HSDL2: variants seen among roughly 807,000 people sequenced by gnomAD.
HSDL2 encodes hydroxysteroid dehydrogenase-like protein 2.
A neutral mutation model predicts 46.3 loss-of-function variants in HSDL2; 27 were observed. That is an observed-to-expected ratio of 0.58 (90% confidence interval 0.43 to 0.80). The LOEUF is 0.80. Ranked by LOEUF, HSDL2 falls within the 30% of genes least tolerant of loss-of-function variation. The pLI, the probability that HSDL2 is intolerant of heterozygous loss-of-function variation, is 0.00. For synonymous variants in HSDL2, 153 were observed against 163.6 expected, an observed-to-expected ratio of 0.94 and a Z score of 0.50; for missense variants, 451 against 502.7, an observed-to-expected ratio of 0.90 and a Z score of 0.98.
At chr9:112,392,834 A>G (rs953514395) in intron 1 of HSDL2, among the ~76,000 whole-genome samples, 1 of 152,240 alleles carries the variant, frequency 6.6e-6, no homozygotes, top group African/African-American at 2.4e-5. Flanking sequence ...GCTTACAAAG[A>G]TAACAGGGTT....
intron 4 of HSDL2, among the ~76,000 whole-genome samples, chr9:112,414,864 G>A (rs1587941333): frequency 6.6e-6 from 1 of 151,760 alleles, no homozygotes; most frequent in Non-Finnish European, 1.5e-5. Context: ...AGATGTTGCT[G>A]TTTTTAACAC....
intron 1 of HSDL2, among the ~76,000 whole-genome samples, chr9:112,398,944 C>T (rs557502596): frequency 1.3e-5 from 2 of 152,162 alleles, no homozygotes; most frequent in South Asian, 4.2e-4. Context: ...CCCATAGTTA[C>T]CCCGGACAAT....
intron 7 of HSDL2, 122 bp downstream of exon 7, chr9:112,438,747 C>G: frequency 1.6e-6 from 1 of 610,210 alleles, no homozygotes; most frequent in South Asian, 2.7e-5. Context: ...TAAAAGCTGT[C>G]TTCCCAATGA....
chr9:112,394,570 C>T (rs1393117564), intron 1 of HSDL2, among the ~76,000 whole-genome samples: 1 of 152,050 alleles, frequency 6.6e-6, no homozygotes, highest in Non-Finnish European at 1.5e-5. Context: ...GATGGGCCCT[C>T]AAAATTTTTA....
intron 8 of HSDL2, among the ~76,000 whole-genome samples, chr9:112,453,674 T>C (rs7875256): frequency 0.96 from 145,558 of 152,304 alleles, 69,620 homozygotes; most frequent in African/African-American, 0.98. Context: ...ATTACATGCA[T>C]GAGCCGCCAC....
At chr9:112,455,235 C>T (rs1832988810) in intron 9 of HSDL2, among the ~76,000 whole-genome samples, 1 of 151,712 alleles carries the variant, frequency 6.6e-6, no homozygotes, top group South Asian at 2.1e-4. Flanking sequence ...CATAGTGAGA[C>T]CCATCTCAAA....
chr9:112,396,676 C>T (rs945724919), intron 1 of HSDL2, among the ~76,000 whole-genome samples: 3 of 152,076 alleles, frequency 2.0e-5, no homozygotes, highest in Non-Finnish European at 2.9e-5. Flanking sequence ...CCAGGCCCAC[C>T]GAACCTTGAG....
intron 6 of HSDL2, among the ~76,000 whole-genome samples, chr9:112,431,417 A>C (rs1437208255): frequency 6.6e-6 from 1 of 152,224 alleles, no homozygotes; most frequent in Admixed American, 6.5e-5. Context: ...AGACCCACAT[A>C]GGAGAGTAAG....
At chr9:112,398,471 A>G (rs2132612097) in intron 1 of HSDL2, among the ~76,000 whole-genome samples, 1 of 152,088 alleles carries the variant, frequency 6.6e-6, no homozygotes, top group South Asian at 2.1e-4. Flanking sequence ...GAAAAGAAAT[A>G]AGATCATTGG....
chr9:112,408,080 C>T (rs962466112), intron 3 of HSDL2, among the ~76,000 whole-genome samples: 4 of 152,142 alleles, frequency 2.6e-5, no homozygotes, highest in African/African-American at 4.8e-5. Flanking sequence ...CTTTGATGAT[C>T]TGCCTGGGAT....
intron 6 of HSDL2, among the ~76,000 whole-genome samples, chr9:112,425,906 T>G (rs147728986): frequency 3.3e-5 from 5 of 151,412 alleles, no homozygotes; most frequent in East Asian, 3.9e-4. Context: ...TTTTCAGTTT[T>G]TGTGTGTATG....
At chr9:112,421,555 A>T (rs944356) in intron 6 of HSDL2, among the ~76,000 whole-genome samples, 142,628 of 151,834 alleles carry the variant, frequency 0.94, 67,081 homozygotes, top group African/African-American at 0.98. Context: ...CATTACATTT[A>T]AAAAAAAATT....
intron 10 of HSDL2, among the ~76,000 whole-genome samples, chr9:112,468,011 G>GT (rs937342288): frequency 1.4e-5 from 2 of 147,434 alleles, no homozygotes; most frequent in Admixed American, 1.4e-4. Flanking sequence ...ATTTTTGTGT[G>GT]TATCTGAAAC....
chr9:112,426,591 A>C (rs533968455), intron 6 of HSDL2, among the ~76,000 whole-genome samples: 13 of 152,132 alleles, frequency 8.5e-5, no homozygotes, highest in Non-Finnish European at 7.4e-5. Flanking sequence ...TATTGGTTTA[A>C]AATGTACTAG....
intron 1 of HSDL2, among the ~76,000 whole-genome samples, chr9:112,387,702 T>C (rs1464504151): frequency 6.6e-6 from 1 of 152,194 alleles, no homozygotes; most frequent in Non-Finnish European, 1.5e-5. Flanking sequence ...TGGAGAAATA[T>C]GGTAACACTA....
intron 1 of HSDL2, among the ~76,000 whole-genome samples, chr9:112,399,435 ATTGTC>A (rs1476703491): frequency 4.6e-5 from 7 of 152,340 alleles, no homozygotes; most frequent in African/African-American, 1.4e-4. Context: ...TGGTGCACGT[ATTGTC>A]TTGATAAACA....
chr9:112,460,074 C>T (rs1032162870), intron 10 of HSDL2, among the ~76,000 whole-genome samples: 5 of 152,204 alleles, frequency 3.3e-5, no homozygotes, highest in African/African-American at 1.2e-4. Flanking sequence ...ATTTTCTATT[C>T]TGTCCATTTA....
chr9:112,468,978 C>A (rs531168553), intron 10 of HSDL2, among the ~76,000 whole-genome samples: 4 of 152,270 alleles, frequency 2.6e-5, no homozygotes, highest in Non-Finnish European at 4.4e-5. Flanking sequence ...ATGTCTGTAT[C>A]TGTGTTTTTG....
At chr9:112,412,053 C>G (rs988710109) in intron 4 of HSDL2, among the ~76,000 whole-genome samples, 1 of 152,176 alleles carries the variant, frequency 6.6e-6, no homozygotes, top group African/African-American at 2.4e-5. Context: ...GTCTGAAAAT[C>G]CCAAATCCAG....
Sources: gnomAD v4.1 joint callset for allele counts (sites outside exome capture counted in the v4.1 genomes callset) on GRCh38, gnomAD v4.1.1 for gene constraint, MANE v1.5 for transcripts, NCBI Gene and HGNC (gene_info 2026-07-23, HGNC 2026-07-21) for gene names.